The following CAT variants were observed in gnomAD, a reference collection of about 807,000 sequenced individuals.
The protein encoded by CAT is catalase, also known as epididymis secretory sperm binding protein.
Under a neutral mutation model 59.0 loss-of-function variants are expected in CAT, and 43 were observed. The observed-to-expected ratio is 0.73, with a 90% CI of 0.57 to 0.94. The LOEUF (loss-of-function observed/expected upper bound fraction) is 0.94, where lower values mean the gene tolerates loss of function less well. Among genes scored for constraint, CAT ranks in the 40% least tolerant of loss-of-function variants. The probability of loss-of-function intolerance (pLI) is 0.00; values close to 1 mark genes in which losing one functional copy is unlikely to be tolerated. For missense variants in CAT, 664 were observed against 682.9 expected (o/e 0.97, Z 0.31); for synonymous variants, 218 against 230.9 (o/e 0.94, Z 0.51).
chr11:34,443,783 G>A (rs1051665858), intron 1 of CAT, among the ~76,000 whole-genome samples: 1 of 152,148 alleles, frequency 6.6e-6, no homozygotes, highest in African/African-American at 2.4e-5. Context: ...TATAGCCTGT[G>A]AGGGTCTATA....
intron 1 of CAT, among the ~76,000 whole-genome samples, chr11:34,444,027 G>C (rs1390132725): frequency 6.6e-6 from 1 of 152,052 alleles, no homozygotes; most frequent in Non-Finnish European, 1.5e-5. Context: ...ATGGTGGGTA[G>C]GTCTATGCAA....
chr11:34,461,254 C>T lies in CAT; in HGVS notation c.1060C>T (p.Arg354Cys), dbSNP rs770993479. The T allele has an allele frequency of 1.6e-5, 26 of 1,614,028 alleles. No homozygotes were observed. The highest frequency in any genetic ancestry group is 8.9e-5 in the East Asian group (4 of 44,898). ...TCTATTGTATTTATTACTGCAGGGC[C>T]GCCTTTTTGCCTATCCTGACACTCA... Reference protein sequence around the residue: ...EASPDKMLQGRLFAYPDTHRH... With the variant: ...EASPDKMLQGCLFAYPDTHRH... Residue 354 changes from arginine (R) to cysteine (C), a missense_variant, in exon 9 of 13, where the codon CGC becomes TGC. Transcript: ENST00000241052.
At chr11:34,451,763 A>G (rs555410202) in intron 3 of CAT, among the ~76,000 whole-genome samples, 1 of 152,320 alleles carries the variant, frequency 6.6e-6, no homozygotes, top group East Asian at 1.9e-4. Context: ...TTTAAGCCTC[A>G]TAATTATTTT....
At position 34,456,156 on chromosome 11, in the gene CAT, T is replaced by C. The variant is rs1344720100; in HGVS notation, c.857T>C (p.Phe286Ser). The change falls in exon 7 of 13, where the codon TTT (phenylalanine) becomes TCT (serine). Residue 286 changes from phenylalanine (F) to serine (S), a missense_variant. By Grantham distance (155) the Phe-to-Ser change is radical. Coordinates refer to ENST00000241052, the MANE Select transcript of CAT (RefSeq NM_001752.4). ...ACTTTTTACATCCAGGTCATGACATTTAATCAGGCAGAAACTTTTCCATTT... is the reference window on the plus strand; with the variant it reads ...ACTTTTTACATCCAGGTCATGACATCTAATCAGGCAGAAACTTTTCCATTT... ...SWTFYIQVMT[F>S]NQAETFPFNP... 1.9e-6 allele frequency: 3 copies of C among 1,614,014 alleles called. No individual in the cohort carries two copies. The African/African-American group carries it at 4.0e-5, about 22-fold the overall frequency.
rs773169246 is a variant in CAT, at chr11:34,452,071, T to C, written c.350-6T>C. 31 of 1,613,516 alleles carry C rather than the reference T, an allele frequency of 1.9e-5. No homozygotes were observed. Among genetic ancestry groups the C allele is most frequent in the Non-Finnish European group, 2.5e-5 (30 of 1,179,568 alleles). ...TATGCTTCCTGTTTCCATTTGAATA[T>C]TGTAGCTGGAGAATCGGGTTCAGCT... On this transcript the variant is annotated splice_region_variant and splice_polypyrimidine_tract_variant and intron_variant, in intron 3 of 12. Transcript: ENST00000241052.
At position 34,470,967 on chromosome 11, in the gene CAT, T is replaced by A. The variant is rs780823658; in HGVS notation, c.1444T>A (p.Phe482Ile). Reference sequence around the variant, plus strand: ...TTTCCTTTGGCCTTAGGTCAAGAACTTCACTGAGGTCCACCCTGACTACGG... The same window carrying A: ...TTTCCTTTGGCCTTAGGTCAAGAACATCACTGAGGTCCACCCTGACTACGG... ...IFIQKKAVKN[F>I]TEVHPDYGSH... is the part of the protein sequence containing the mutation. Residue 482 changes from phenylalanine (F) to isoleucine (I), a missense_variant, in exon 12 of 13, where the codon TTC (phenylalanine) becomes ATC (isoleucine). Phe to Ile is a conservative substitution (Grantham distance 21). Transcript: ENST00000241052. 1.5e-5 allele frequency: 25 copies of A among 1,613,912 alleles called. No homozygotes were observed. The highest frequency in any genetic ancestry group is 1.9e-5 in the Non-Finnish European group (23 of 1,179,894).
In CAT at chr11:34,471,583, C is replaced by T. The variant is rs953224656; in HGVS notation, c.*150C>T. The stretch of plus-strand genomic sequence containing the variant: ...CCACTTTCTATAGCAGATTGTGTAA[C>T]AATTTTAATGCTATTTCCCCAGGGG... On this transcript the variant is annotated 3_prime_UTR_variant, in exon 13 of 13. Transcript: ENST00000241052. The T allele has an allele frequency of 1.9e-5, 13 of 700,532 alleles. No homozygotes were observed. The highest frequency in any genetic ancestry group is 3.1e-5 in the Non-Finnish European group (12 of 382,244). 43.4% of individuals were successfully genotyped at this position (700,532 alleles called of 1,614,324 possible).
At chr11:34,452,726 A>G (rs1856539494) in intron 4 of CAT, among the ~76,000 whole-genome samples, 1 of 152,052 alleles carries the variant, frequency 6.6e-6, no homozygotes, top group African/African-American at 2.4e-5. Flanking sequence ...GTGGTGGCTC[A>G]TGCCTATAGT....
chr11:34,453,081 T>A lies in CAT; in HGVS notation c.481-9T>A. Reference sequence around the variant, plus strand: ...TTTTTGGATTTTTTTCTCTCTTTTTTCTATTTAGTTTCCATCTTTTATCCA... The same window carrying A: ...TTTTTGGATTTTTTTCTCTCTTTTTACTATTTAGTTTCCATCTTTTATCCA... On this transcript the variant is annotated splice_polypyrimidine_tract_variant and intron_variant, in intron 4 of 12. Transcript: ENST00000241052. 1 of 1,572,082 alleles carries A rather than the reference T, an allele frequency of 6.4e-7. No individual in the cohort carries two copies. Among genetic ancestry groups the A allele is most frequent in the Non-Finnish European group, 8.8e-7 (1 of 1,141,982 alleles).
In CAT at chr11:34,452,003, T is replaced by C. The variant is rs958515355; in HGVS notation, c.350-74T>C. 2.0e-5 allele frequency: 30 copies of C among 1,532,606 alleles called. 1 individual carries two copies. In the Middle Eastern group the frequency reaches 5.4e-4, roughly 28 times the overall value. 94.9% of individuals were successfully genotyped at this position (1,532,606 alleles called of 1,614,324 possible). A position where few individuals can be genotyped will look rare whatever the true frequency, so the allele number is the denominator to read the frequency against. On this transcript the variant is annotated intron_variant, in intron 3 of 12. Transcript: ENST00000241052. ...GATTAGAAAGGATGGATCCAGGTGC[T>C]TCTTTATGTCTCCAGGCTTCTTGGA...
intron 6 of CAT, among the ~76,000 whole-genome samples, chr11:34,454,655 T>A (rs535305038): frequency 6.6e-6 from 1 of 152,344 alleles, no homozygotes; most frequent in East Asian, 1.9e-4. Flanking sequence ...AGGAAAACTA[T>A]CACCTCTTTT....
chr11:34,463,217 T>C (rs975247764), intron 9 of CAT, among the ~76,000 whole-genome samples: 7 of 152,218 alleles, frequency 4.6e-5, no homozygotes, highest in Non-Finnish European at 1.0e-4. Context: ...AGCCAAAGCA[T>C]AGTTGAGAAA....
At chr11:34,453,027 G>A in intron 4 of CAT, 63 bp from the exon 5 acceptor site, 1 of 967,720 alleles carries the variant, frequency 1.0e-6, no homozygotes, top group East Asian at 2.4e-5. Context: ...CATATATAAT[G>A]AAAGACACCA....
At chr11:34,471,129 G>T (rs1436814537) in intron 12 of CAT, 88 bp downstream of exon 12, 4 of 1,128,662 alleles carry the variant, frequency 3.5e-6, no homozygotes, top group Non-Finnish European at 5.4e-6. Flanking sequence ...ATTACAGTCT[G>T]CAGGGGCCAT....
At chr11:34,466,921 T>C (rs944187247) in intron 10 of CAT, among the ~76,000 whole-genome samples, 1 of 152,094 alleles carries the variant, frequency 6.6e-6, no homozygotes, top group African/African-American at 2.4e-5. Context: ...AGATGGCTTT[T>C]AAAGGAGGTT....
intron 1 of CAT, among the ~76,000 whole-genome samples, chr11:34,440,729 ATT>A (rs1856379323): frequency 6.6e-6 from 1 of 151,748 alleles, no homozygotes; most frequent in Non-Finnish European, 1.5e-5. Context: ...CACCCAGCTA[ATT>A]TTTGTATTTT....
At chr11:34,449,841 A>G (rs567239518) in intron 2 of CAT, among the ~76,000 whole-genome samples, 1 of 152,272 alleles carries the variant, frequency 6.6e-6, no homozygotes, top group Non-Finnish European at 1.5e-5. Context: ...AAGAAAGATT[A>G]GTAAAATAAG....
At chr11:34,463,173 G>A (rs1856670385) in intron 9 of CAT, among the ~76,000 whole-genome samples, 1 of 152,158 alleles carries the variant, frequency 6.6e-6, no homozygotes, top group Non-Finnish European at 1.5e-5. Context: ...TTTAGGCAGT[G>A]TGTGCTCGGG....
chr11:34,450,952 G>GTC (rs766156165), intron 2 of CAT, 36 bp from the exon 3 acceptor site: 31 of 1,366,040 alleles, frequency 2.3e-5, no homozygotes, highest in Middle Eastern at 1.8e-4. Context: ...CTGAGTAATG[G>GTC]TCTCATGGTA....
Sources: gnomAD v4.1 joint callset for allele counts (sites outside exome capture counted in the v4.1 genomes callset) on GRCh38, gnomAD v4.1.1 for gene constraint, MANE v1.5 for transcripts, NCBI Gene and HGNC (gene_info 2026-07-23, HGNC 2026-07-21) for gene names.